Variants in SYNE1 observed in about 807,000 individuals in gnomAD.
SYNE1 encodes spectrin repeat containing nuclear envelope protein 1.
Under a neutral mutation model 1,111.0 loss-of-function variants are expected in SYNE1, and 616 were observed. The observed-to-expected ratio is 0.55, with a 90% CI of 0.52 to 0.59. The LOEUF (loss-of-function observed/expected upper bound fraction) is 0.59, where lower values mean the gene tolerates loss of function less well. SYNE1 is among the 20% of genes least tolerant of loss of function. The pLI is 0.00. For missense variants in SYNE1, 10,006 were observed against 10,417.0 expected (o/e 0.96, Z 1.72); for synonymous variants, 3,855 against 3,825.8 (o/e 1.01, Z -0.28).
At chr6:152,207,790 C>A (rs2076794591) in intron 125 of SYNE1, among the ~76,000 whole-genome samples, 182 bp downstream of exon 125, 1 of 152,208 alleles carries the variant, frequency 6.6e-6, no homozygotes, top group African/African-American at 2.4e-5. Context: ...GGCTTACTAT[C>A]ATTTCACCAT....
At chr6:152,361,568 G>A (rs536879175) in intron 64 of SYNE1, among the ~76,000 whole-genome samples, 1 of 152,306 alleles carries the variant, frequency 6.6e-6, no homozygotes, top group Middle Eastern at 3.4e-3. Context: ...AGCAGGAATA[G>A]AGAATGTGAG....
chr6:152,456,367 G>GT (rs2098696066), intron 22 of SYNE1, among the ~76,000 whole-genome samples: 1 of 151,798 alleles, frequency 6.6e-6, no homozygotes, highest in South Asian at 2.1e-4. Flanking sequence ...CATTCCTCTA[G>GT]TAAGATGATA....
chr6:152,159,277 A>G (rs1223532746), intron 131 of SYNE1, among the ~76,000 whole-genome samples: 2 of 152,186 alleles, frequency 1.3e-5, no homozygotes, highest in African/African-American at 4.8e-5. Flanking sequence ...GTATAATCAC[A>G]CTGTGTGGTG....
intron 90 of SYNE1, 104 bp from the exon 91 acceptor site, chr6:152,308,736 G>T (rs1239393063): frequency 3.2e-6 from 4 of 1,245,200 alleles, no homozygotes; most frequent in Non-Finnish European, 4.4e-6. Flanking sequence ...TACAGGTAGG[G>T]AATAAAGAAA....
chr6:152,617,247 T>C (rs969743107), intron 3 of SYNE1, among the ~76,000 whole-genome samples: 1 of 152,220 alleles, frequency 6.6e-6, no homozygotes, highest in Non-Finnish European at 1.5e-5. Flanking sequence ...AAGGTGTTTT[T>C]GCAGAGTAAA....
intron 130 of SYNE1, among the ~76,000 whole-genome samples, chr6:152,175,356 T>G (rs1416898112): frequency 6.6e-6 from 1 of 152,202 alleles, no homozygotes; most frequent in Non-Finnish European, 1.5e-5. Context: ...GCATACAGGG[T>G]TGTGGTGCCC....
intron 127 of SYNE1, among the ~76,000 whole-genome samples, chr6:152,194,126 T>C (rs536992252): frequency 7.9e-5 from 12 of 152,378 alleles, no homozygotes; most frequent in African/African-American, 2.9e-4. Flanking sequence ...TGCTTTCTTA[T>C]TGCTCATTAA....
In SYNE1 at chr6:152,533,135, G is replaced by A. The variant is rs142095415; in HGVS notation, c.129+6825C>T. The stretch of plus-strand genomic sequence containing the variant: ...TTTCCAATATCTTCAGAAACAAAGT[G>A]TAGTAATTTAAAAACTGTATGTGTA... On this transcript the variant is annotated intron_variant, in intron 4 of 145. Transcript: ENST00000367255. 4.4e-3 allele frequency among the ~76,000 whole-genome samples: 669 copies of A among 152,178 alleles called. 3 individuals carry two copies. Among genetic ancestry groups the A allele is most frequent in the South Asian group, 0.018 (88 of 4,826 alleles).
At chr6:152,133,663 T>C (rs1191230399) in intron 142 of SYNE1, 175 bp from the exon 143 acceptor site, 3 of 654,466 alleles carry the variant, frequency 4.6e-6, no homozygotes, top group Non-Finnish European at 8.0e-6. Context: ...ATCCTGCCTC[T>C]GCCAAAAATA....
In SYNE1 at chr6:152,463,497, A is replaced by T; in HGVS notation, c.1953T>A (p.Pro651=). 6.2e-7 allele frequency: 1 copy of T among 1,613,446 alleles called. No individual in the cohort carries two copies. The highest frequency in any genetic ancestry group is 8.5e-7 in the Non-Finnish European group (1 of 1,179,576). Residue 651 remains proline (P), a synonymous_variant, in exon 19 of 146, where the codon CCT becomes CCA. Coordinates refer to ENST00000367255, the MANE Select transcript of SYNE1 (RefSeq NM_182961.4). ...TGGCAGTATGCTGCTGAATCCAATG[A>T]GGTAAATTTCGAAAAAAATCCTAAA... The part of the protein sequence containing the change: ...NAKKDFFRNL[P]HWIQQHTAMN...
chr6:152,448,570 AATAGCTCACACCT>A (rs1334260092), intron 28 of SYNE1, among the ~76,000 whole-genome samples: 5 of 152,310 alleles, frequency 3.3e-5, no homozygotes, highest in South Asian at 2.1e-4. Flanking sequence ...GGCCAAGGGC[AATAGCTCACACCT>A]GTAATCCCAG....
chr6:152,166,906 T>C (rs962491268), intron 130 of SYNE1, among the ~76,000 whole-genome samples: 1 of 152,122 alleles, frequency 6.6e-6, no homozygotes, highest in African/African-American at 2.4e-5. Flanking sequence ...GGATCATTCT[T>C]TTTTTTAGGA....
At chr6:152,324,460 T>C (rs1228382110) in intron 81 of SYNE1, among the ~76,000 whole-genome samples, 1 of 151,940 alleles carries the variant, frequency 6.6e-6, no homozygotes, top group Non-Finnish European at 1.5e-5. Context: ...TCAGGTTTCA[T>C]GGTAAAGAAA....
At chr6:152,525,009 T>C (rs185124975) in intron 5 of SYNE1, among the ~76,000 whole-genome samples, 6 of 152,300 alleles carry the variant, frequency 3.9e-5, no homozygotes, top group African/African-American at 1.2e-4. Context: ...GCCAGACAGA[T>C]ACTACGAGTG....
intron 3 of SYNE1, among the ~76,000 whole-genome samples, chr6:152,589,695 A>G (rs1046615037): frequency 6.6e-6 from 1 of 152,196 alleles, no homozygotes; most frequent in Admixed American, 6.5e-5. Context: ...GAGAGGCAGC[A>G]AAGGCCCGGC....
intron 91 of SYNE1, among the ~76,000 whole-genome samples, chr6:152,306,567 G>A (rs2095386189): frequency 6.6e-6 from 1 of 151,216 alleles, no homozygotes; most frequent in Non-Finnish European, 1.5e-5. Flanking sequence ...GTAAAATTTT[G>A]TAAGTTACTT....
rs1269459568 is a variant in SYNE1 at position 152,367,351 on chromosome 6, G to A, written c.9839C>T (p.Ala3280Val). 5 of 1,614,012 alleles carry A rather than the reference G, an allele frequency of 3.1e-6. No individual in the cohort carries two copies. The highest frequency in any genetic ancestry group is 3.4e-6 in the Non-Finnish European group (4 of 1,180,030). ...EKVSRLDRIVAEHNQFSLGIK... is the reference protein window; with the variant it reads ...EKVSRLDRIVVEHNQFSLGIK... Reference sequence around the variant, plus strand: ...CCCAAGAGAGAACTGATTGTGTTCTGCAACGATTCTATCCAGTCTTGACAC... The same window carrying A: ...CCCAAGAGAGAACTGATTGTGTTCTACAACGATTCTATCCAGTCTTGACAC... Residue 3280 changes from alanine to valine, a missense_variant, in exon 62 of 146, where the codon GCA becomes GTA. Physicochemically the swap from Ala to Val is moderately conservative, Grantham distance 64. This residue lies in a region of SYNE1 where 4,955 missense variants were observed against 5,017.2 expected (regional missense o/e 0.99). Coordinates refer to ENST00000367255, the MANE Select transcript of SYNE1 (RefSeq NM_182961.4).
intron 34 of SYNE1, 21 bp from the exon 35 acceptor site, chr6:152,430,730 A>C: frequency 6.2e-7 from 1 of 1,608,006 alleles, no homozygotes; most frequent in Non-Finnish European, 8.5e-7. Flanking sequence ...AAACAAGAAA[A>C]ATGACAATGT....
At chr6:152,605,112 GGAAGGAA>G in intron 3 of SYNE1, among the ~76,000 whole-genome samples, 1 of 141,234 alleles carries the variant, frequency 7.1e-6, no homozygotes, top group African/African-American at 2.6e-5. Flanking sequence ...AAGGAAGGAA[GGAAGGAA>G]GGAAGGAAGG....
Sources: allele counts gnomAD v4.1 joint callset (sites outside exome capture counted in the v4.1 genomes callset), GRCh38; gene constraint gnomAD v4.1.1; regional missense constraint gnomAD v4.1.1; transcripts MANE v1.5; gene names NCBI Gene and HGNC (gene_info 2026-07-23, HGNC 2026-07-21).